PRKAR1B: variants seen among roughly 807,000 people sequenced by gnomAD.
The protein encoded by PRKAR1B is protein kinase cAMP-dependent type I regulatory subunit beta.
A neutral mutation model predicts 46.5 loss-of-function variants in PRKAR1B; 22 were observed. That is an observed-to-expected ratio of 0.47 (90% CI 0.34 to 0.68). The LOEUF is 0.68. PRKAR1B is among the 30% of genes least tolerant of loss of function. The pLI, the probability that PRKAR1B is intolerant of heterozygous loss-of-function variation, is 0.01. For missense variants in PRKAR1B, 445 were observed against 535.6 expected (o/e 0.83, Z 1.67); for synonymous variants, 259 against 217.7 (o/e 1.19, Z -1.67).
chr7:570,534 AGCAGTCCCCGAGCCCTCCCTCATCCCCC>A (rs1212406736), intron 9 of PRKAR1B, among the ~76,000 whole-genome samples: 1 of 151,040 alleles, frequency 6.6e-6, no homozygotes, highest in Non-Finnish European at 1.5e-5. Flanking sequence ...CTGCCTGCCC[AGCAGTCCCCGAGCCCTCCCTCATCCCCC>A]GCCGTCCCCT....
chr7:552,858 C>A (rs1784333172), intron 9 of PRKAR1B, among the ~76,000 whole-genome samples: 2 of 152,250 alleles, frequency 1.3e-5, no homozygotes, highest in South Asian at 4.1e-4. Flanking sequence ...GAGGGGGGCG[C>A]TGTCTCAGGG....
chr7:580,651 T>A (rs570793724), intron 8 of PRKAR1B, among the ~76,000 whole-genome samples: 1 of 151,950 alleles, frequency 6.6e-6, no homozygotes, highest in Non-Finnish European at 1.5e-5. Context: ...TCCCTGTCTT[T>A]ATTCATCCCT....
At chr7:672,260 C>T (rs1023050323) in intron 4 of PRKAR1B, among the ~76,000 whole-genome samples, 10 of 152,082 alleles carry the variant, frequency 6.6e-5, no homozygotes, top group Admixed American at 4.6e-4. Flanking sequence ...AAGCAATTCT[C>T]CCGCCTCAGT....
intron 4 of PRKAR1B, among the ~76,000 whole-genome samples, chr7:616,008 A>G (rs976341656): frequency 6.7e-6 from 1 of 149,292 alleles, no homozygotes; most frequent in African/African-American, 2.5e-5. Flanking sequence ...AAAAGGAAGA[A>G]AGAGAGAGAG....
At chr7:568,355 C>T (rs192497609) in intron 9 of PRKAR1B, among the ~76,000 whole-genome samples, 1 of 152,246 alleles carries the variant, frequency 6.6e-6, no homozygotes, top group African/African-American at 2.4e-5. Context: ...TGGGGAGGGA[C>T]AGCAGGGCCA....
In PRKAR1B at chr7:596,233, G is replaced by A. The variant is rs182434902; in HGVS notation, c.621C>T (p.Tyr207=). ...TCACGGTCGCAGCCCTGGGGGTGCC[G>A]TAGATGAGCGCCAGCTCCCCGAAGC... ...GGSFGELALI[Y]GTPRAATVKA... is the part of the protein sequence containing the mutation. Residue 207 remains tyrosine, a synonymous_variant, in exon 7 of 11, where the codon TAC becomes TAT. Coordinates refer to ENST00000537384, the MANE Select transcript of PRKAR1B (RefSeq NM_001164760.2). The A allele has an allele frequency of 3.8e-5, 61 of 1,613,998 alleles. No homozygotes were observed. The highest frequency in any genetic ancestry group is 1.9e-4 in the African/African-American group (14 of 75,058).
At chr7:725,488 A>G (rs1286141483) in intron 1 of PRKAR1B, among the ~76,000 whole-genome samples, 1 of 152,200 alleles carries the variant, frequency 6.6e-6, no homozygotes, top group African/African-American at 2.4e-5. Context: ...ACTCAAGTCC[A>G]CAGTCAAGGT....
chr7:689,875 G>T (rs528513170), intron 2 of PRKAR1B, among the ~76,000 whole-genome samples: 1 of 151,850 alleles, frequency 6.6e-6, no homozygotes, highest in Admixed American at 6.5e-5. Flanking sequence ...AGAGAACTGG[G>T]TTTTACCATG....
chr7:612,541 GGATA>G (rs1008493066), intron 4 of PRKAR1B, among the ~76,000 whole-genome samples: 2 of 151,898 alleles, frequency 1.3e-5, no homozygotes, highest in African/African-American at 2.4e-5. Flanking sequence ...GTGGGTGGAT[GGATA>G]GATGGATGGA....
intron 9 of PRKAR1B, among the ~76,000 whole-genome samples, chr7:561,168 G>A (rs1431818627): frequency 1.4e-5 from 2 of 145,286 alleles, no homozygotes; most frequent in Non-Finnish European, 3.0e-5. Flanking sequence ...CACACACACG[G>A]GTACGTGCAT....
chr7:610,151 A>G (rs561352148), intron 4 of PRKAR1B, among the ~76,000 whole-genome samples: 2 of 152,340 alleles, frequency 1.3e-5, no homozygotes, highest in East Asian at 1.9e-4. Context: ...CACGATGGAC[A>G]TGACAGAACT....
chr7:717,519 A>T (rs1407741670), intron 1 of PRKAR1B, among the ~76,000 whole-genome samples: 5 of 151,722 alleles, frequency 3.3e-5, no homozygotes, highest in Middle Eastern at 3.4e-3. Context: ...TTAGCCAGGC[A>T]TGGTGGTGCA....
intron 4 of PRKAR1B, among the ~76,000 whole-genome samples, chr7:675,082 T>A (rs1220811046): frequency 6.6e-6 from 1 of 152,200 alleles, no homozygotes; most frequent in East Asian, 1.9e-4. Context: ...GTCTCCTGCC[T>A]AACCACAGCA....
At chr7:664,541 A>G (rs1424200819) in intron 4 of PRKAR1B, among the ~76,000 whole-genome samples, 1 of 152,204 alleles carries the variant, frequency 6.6e-6, no homozygotes, top group African/African-American at 2.4e-5. Flanking sequence ...AGTGACAACA[A>G]AACGTGAACT....
chr7:675,182 T>C (rs1786509251), intron 4 of PRKAR1B, among the ~76,000 whole-genome samples: 2 of 152,216 alleles, frequency 1.3e-5, no homozygotes, highest in South Asian at 4.1e-4. Context: ...CTCTGATTCA[T>C]TCTTACAATG....
intron 7 of PRKAR1B, among the ~76,000 whole-genome samples, chr7:586,503 C>G (rs1008210640): frequency 1.3e-5 from 2 of 152,208 alleles, no homozygotes; most frequent in Non-Finnish European, 2.9e-5. Flanking sequence ...TTCCTGCCAC[C>G]CTCCAGCCCT....
chr7:578,756 A>T, intron 9 of PRKAR1B: 1 of 200,612 alleles, frequency 5.0e-6, no homozygotes, highest in East Asian at 1.6e-4. Context: ...ATCTTGGCTC[A>T]CTGCAACCTC....
At chr7:553,974 CGTGCCCTCAGCCGG>C (rs1784411219) in intron 9 of PRKAR1B, among the ~76,000 whole-genome samples, 1 of 152,256 alleles carries the variant, frequency 6.6e-6, no homozygotes, top group Admixed American at 6.5e-5. Flanking sequence ...AGACAGGGAG[CGTGCCCTCAGCCGG>C]GTGCCCACAG....
chr7:705,957 C>T (rs1780300611), intron 2 of PRKAR1B, among the ~76,000 whole-genome samples: 1 of 151,938 alleles, frequency 6.6e-6, no homozygotes, highest in Non-Finnish European at 1.5e-5. Context: ...ACCCAGGAGG[C>T]AGAGGTTGCA....
Sources: gnomAD v4.1 joint callset for allele counts (sites outside exome capture counted in the v4.1 genomes callset) on GRCh38, gnomAD v4.1.1 for gene constraint, MANE v1.5 for transcripts, NCBI Gene and HGNC (gene_info 2026-07-23, HGNC 2026-07-21) for gene names.